NUDT4: variants seen among roughly 807,000 people sequenced by gnomAD.
NUDT4 encodes the protein diphosphoinositol polyphosphate phosphohydrolase 2.
NUDT4 carries 5 observed loss-of-function variants against 23.1 expected under a neutral mutation model. The observed-to-expected ratio is 0.22, with a 90% CI of 0.11 to 0.46. The LOEUF is 0.46. NUDT4 is among the 20% of genes least tolerant of loss of function. The pLI is 0.99. For missense variants in NUDT4, 96 were observed against 211.6 expected (o/e 0.45, Z 3.39); for synonymous variants, 50 against 79.0 (o/e 0.63, Z 1.95).
intron 1 of NUDT4, among the ~76,000 whole-genome samples, chr12:93,381,221 G>C (rs1461116255): frequency 6.6e-6 from 1 of 152,192 alleles, no homozygotes; most frequent in Non-Finnish European, 1.5e-5. Context: ...CAAGGTCACA[G>C]AAGCTGGCAG....
intron 1 of NUDT4, chr12:93,385,189 A>G (rs1407432697): frequency 6.6e-6 from 1 of 152,198 alleles, no homozygotes; most frequent in African/African-American, 2.4e-5. Flanking sequence ...TCTGGTAATT[A>G]TCTAATACAT....
At chr12:93,398,017 G>A (rs919861186) in intron 3 of NUDT4, among the ~76,000 whole-genome samples, 9 of 152,082 alleles carry the variant, frequency 5.9e-5, no homozygotes, top group African/African-American at 2.2e-4. Context: ...TAATAAGATT[G>A]CATTCAACTC....
At chr12:93,379,864 A>G (rs1417262079) in intron 1 of NUDT4, among the ~76,000 whole-genome samples, 1 of 152,246 alleles carries the variant, frequency 6.6e-6, no homozygotes, top group African/African-American at 2.4e-5. Flanking sequence ...TATAAAAGAA[A>G]TGATAGCCAA....
intron 1 of NUDT4, among the ~76,000 whole-genome samples, chr12:93,388,265 G>A (rs1297812625): frequency 6.6e-6 from 1 of 152,126 alleles, no homozygotes; most frequent in African/African-American, 2.4e-5. Context: ...AGGCTAAATC[G>A]TTTGTCCACA....
intron 1 of NUDT4, among the ~76,000 whole-genome samples, chr12:93,379,640 C>G (rs538648368): frequency 8.5e-5 from 13 of 152,188 alleles, no homozygotes; most frequent in Non-Finnish European, 1.8e-4. Context: ...TCACTCATAA[C>G]CTTTACGTAT....
At position 93,395,218 on chromosome 12, in the gene NUDT4, TC is replaced by T. The variant is rs1318610034; in HGVS notation, c.211-270del. Among the ~76,000 whole-genome samples the T allele has an allele frequency of 1.1e-4, 17 of 152,272 alleles. No individual in the cohort carries two copies. The East Asian group carries it at 3.1e-3, about 28-fold the overall frequency. ...CCAGGCTGGTCTCGAACTCCTGACC[TC>T]AAGTGATCCTTCTGCCTCGGCCTCC... On this transcript the variant is annotated intron_variant, in intron 2 of 4. Coordinates refer to ENST00000415493, the MANE Select transcript of NUDT4 (RefSeq NM_019094.6).
At chr12:93,387,099 T>A (rs1876158925) in intron 1 of NUDT4, among the ~76,000 whole-genome samples, 2 of 151,990 alleles carry the variant, frequency 1.3e-5, no homozygotes, top group Non-Finnish European at 2.9e-5. Context: ...GCCCAGCTAC[T>A]TTTTATGTTT....
At chr12:93,386,001 A>G (rs1266566092) in intron 1 of NUDT4, among the ~76,000 whole-genome samples, 6 of 133,450 alleles carry the variant, frequency 4.5e-5, no homozygotes, top group African/African-American at 1.4e-4. Context: ...TTGAGATAGA[A>G]TCTCACTTCT....
intron 1 of NUDT4, among the ~76,000 whole-genome samples, chr12:93,387,706 C>A (rs948611198): frequency 6.6e-6 from 1 of 152,062 alleles, no homozygotes; most frequent in Non-Finnish European, 1.5e-5. Flanking sequence ...TGCTGGGGAC[C>A]GCTTCCAAGT....
chr12:93,386,736 T>C (rs1463412684), intron 1 of NUDT4, among the ~76,000 whole-genome samples: 1 of 152,110 alleles, frequency 6.6e-6, no homozygotes, highest in Non-Finnish European at 1.5e-5. Context: ...AAATTTCCAT[T>C]ATTGACTATA....
At chr12:93,381,774 C>T (rs1037459527) in intron 1 of NUDT4, among the ~76,000 whole-genome samples, 4 of 152,168 alleles carry the variant, frequency 2.6e-5, no homozygotes, top group Admixed American at 6.5e-5. Flanking sequence ...GAAGTTGCTA[C>T]GCAAGAACAA....
intron 1 of NUDT4, among the ~76,000 whole-genome samples, chr12:93,394,398 A>G (rs898691008): frequency 1.3e-4 from 20 of 150,656 alleles, no homozygotes; most frequent in African/African-American, 4.8e-4. Flanking sequence ...TAGTGTGACC[A>G]TGTTAATGTT....
chr12:93,398,822 A>C lies in NUDT4; in HGVS notation c.307A>C (p.Ile103Leu), dbSNP rs1877135852. The C allele has an allele frequency of 6.2e-7, 1 of 1,601,490 alleles. No homozygotes were observed. Among genetic ancestry groups the C allele is most frequent in the Non-Finnish European group, 8.6e-7 (1 of 1,169,506 alleles). Residue 103 changes from isoleucine to leucine, a missense_variant, in exon 4 of 5, where the codon ATA becomes CTA. By Grantham distance (5) the Ile-to-Leu change is conservative (BLOSUM62 2). Transcript: ENST00000415493. Reference protein sequence around the residue: ...TYVYVLTVTEILEDWEDSVNI... With the variant: ...TYVYVLTVTELLEDWEDSVNI... ...TGTTTATGTTCTAACAGTCACTGAA[A>C]TATTAGAAGATTGGGAAGATTCTGT...
Position 93,382,323 on chromosome 12 carries a change from T to C in NUDT4, c.99+3902T>C, listed in dbSNP as rs550909092. Among the ~76,000 whole-genome samples, 8 of 151,352 alleles carry C rather than the reference T, an allele frequency of 5.3e-5. No homozygotes were observed. In the South Asian group the frequency reaches 1.7e-3, roughly 32 times the overall value. On this transcript the variant is annotated intron_variant, in intron 1 of 4. Transcript: ENST00000415493. ...TACTCTTCCATAGGACTTGCTGCCCTAATTAGCTTTTAAGCTCTATGAGCC... is the reference window on the plus strand; with the variant it reads ...TACTCTTCCATAGGACTTGCTGCCCCAATTAGCTTTTAAGCTCTATGAGCC...
intron 1 of NUDT4, among the ~76,000 whole-genome samples, chr12:93,385,408 T>C (rs1046830410): frequency 2.6e-5 from 4 of 152,192 alleles, no homozygotes; most frequent in African/African-American, 9.7e-5. Context: ...ACAGCTCTGA[T>C]TTATCTGGAA....
chr12:93,395,373 A>G (rs965830515), intron 2 of NUDT4, 116 bp from the exon 3 acceptor site: 6 of 729,920 alleles, frequency 8.2e-6, no homozygotes, highest in Non-Finnish European at 1.5e-5. Context: ...GTGAGTTGGT[A>G]TGGGGAGGGG....
At chr12:93,379,511 C>T (rs1875482923) in intron 1 of NUDT4, among the ~76,000 whole-genome samples, 2 of 152,218 alleles carry the variant, frequency 1.3e-5, no homozygotes, top group Admixed American at 1.3e-4. Context: ...AGAATACACT[C>T]AGTGGCTTAG....
At chr12:93,386,329 C>G (rs982291800) in intron 1 of NUDT4, among the ~76,000 whole-genome samples, 2 of 152,044 alleles carry the variant, frequency 1.3e-5, no homozygotes, top group African/African-American at 4.8e-5. Flanking sequence ...GTAATCTCAG[C>G]ACTTTGGGAG....
Position 93,379,340 on chromosome 12 carries a change from T to C in NUDT4, c.99+919T>C, listed in dbSNP as rs1875461396. Among the ~76,000 whole-genome samples, 4 of 152,230 alleles carry C rather than the reference T, an allele frequency of 2.6e-5. No individual in the cohort carries two copies. In the South Asian group the frequency reaches 8.3e-4, roughly 32 times the overall value. On this transcript the variant is annotated intron_variant, in intron 1 of 4. Transcript: ENST00000415493. ...TTTGCTTAGGGCAATAGTAGCCTTTTGGTATTGCCACTCTTAAGATAAATT... is the reference window on the plus strand; with the variant it reads ...TTTGCTTAGGGCAATAGTAGCCTTTCGGTATTGCCACTCTTAAGATAAATT...
Sources: allele counts gnomAD v4.1 joint callset (sites outside exome capture counted in the v4.1 genomes callset), GRCh38; gene constraint gnomAD v4.1.1; transcripts MANE v1.5; gene names NCBI Gene and HGNC (gene_info 2026-07-23, HGNC 2026-07-21).